EIF2D: variants seen among roughly 807,000 people sequenced by gnomAD.
The protein encoded by EIF2D is hepatocellular carcinoma-associated antigen 56.
In EIF2D, 56 loss-of-function variants were observed where a neutral mutation model predicts 77.4. That is an observed-to-expected ratio of 0.72 (90% CI 0.58 to 0.90). The LOEUF (loss-of-function observed/expected upper bound fraction) is 0.90. Among genes scored for constraint, EIF2D ranks in the 40% least tolerant of loss-of-function variants. EIF2D has a pLI of 0.00. For synonymous variants in EIF2D, 230 were observed against 271.0 expected, an observed-to-expected ratio of 0.85 and a Z score of 1.49; for missense variants, 574 against 706.5, an observed-to-expected ratio of 0.81 and a Z score of 2.13.
chr1:206,593,489 G>T, intron 14 of EIF2D, 130 bp downstream of exon 14: 1 of 311,210 alleles, frequency 3.2e-6, no homozygotes, highest in Non-Finnish European at 5.1e-6. Flanking sequence ...GAGAGAGAGC[G>T]AGAGAGAGAG....
downstream of EIF2D, among the ~76,000 whole-genome samples, chr1:206,589,621 C>A (rs1202177088): frequency 6.6e-6 from 1 of 152,088 alleles, no homozygotes; most frequent in African/African-American, 2.4e-5. Flanking sequence ...AGCCATGATT[C>A]TTCTACTTCT....
chr1:206,573,158 C>T (rs1462383484), intron 4 of EIF2D, among the ~76,000 whole-genome samples: 1 of 152,212 alleles, frequency 6.6e-6, no homozygotes, highest in Non-Finnish European at 1.5e-5. Flanking sequence ...AATGTATAAA[C>T]TGCATTTCAC....
At chr1:206,600,570 G>A in intron 7 of EIF2D, 1 of 421,208 alleles carries the variant, frequency 2.4e-6, no homozygotes. Context: ...AGCCACATGT[G>A]GGTAGTAAGT....
At chr1:206,593,488 C>CAA (rs1558530192) in intron 14 of EIF2D, 131 bp downstream of exon 14, 2 of 307,506 alleles carry the variant, frequency 6.5e-6, no homozygotes, top group African/African-American at 7.3e-5. Flanking sequence ...AGAGAGAGAG[C>CAA]GAGAGAGAGA....
intron 4 of EIF2D, among the ~76,000 whole-genome samples, chr1:206,577,165 C>T (rs1377093012): frequency 6.6e-6 from 1 of 152,054 alleles, no homozygotes; most frequent in Non-Finnish European, 1.5e-5. Context: ...GCTTTTGTGC[C>T]ACAATAGTAG....
chr1:206,579,514 G>A lies in EIF2D; in HGVS notation c.*254+1178C>T, dbSNP rs116313985. ...TCTCATGGCAGATAGTGCCTGTTAG[G>A]TAAACCTTTGGGGTGTTTGTGTGTT... On this transcript the variant is annotated intron_variant and NMD_transcript_variant, in intron 4 of 5. Transcript: ENST00000472709. This position sits in a 1 kb window ranked among gnomAD's most constrained non-coding sequence, Gnocchi z 4.2. 0.012 allele frequency among the ~76,000 whole-genome samples: 1,796 copies of A among 152,296 alleles called. 40 individuals carry two copies. The highest frequency in any genetic ancestry group is 0.041 in the African/African-American group (1,710 of 41,554).
intron 7 of EIF2D, 92 bp downstream of exon 7, chr1:206,602,243 CA>C: frequency 1.1e-6 from 1 of 906,060 alleles, no homozygotes; most frequent in Non-Finnish European, 1.8e-6. Flanking sequence ...GTCCCTCAAC[CA>C]GTCCCTGCAT....
At chr1:206,577,060 C>T (rs978646756) in intron 4 of EIF2D, among the ~76,000 whole-genome samples, 4 of 152,012 alleles carry the variant, frequency 2.6e-5, no homozygotes, top group Admixed American at 2.0e-4. Context: ...ATCATCCTGC[C>T]TTGGCCTCTC....
chr1:206,592,200 A>G lies in EIF2D; in HGVS notation c.1685-355T>C, dbSNP rs771378177. 2.6e-5 allele frequency among the ~76,000 whole-genome samples: 4 copies of G among 152,258 alleles called. No individual in the cohort carries two copies. Among genetic ancestry groups the G allele is most frequent in the Non-Finnish European group, 2.9e-5 (2 of 68,040 alleles). On this transcript the variant is annotated intron_variant, in intron 14 of 14. Coordinates refer to ENST00000271764, the MANE Select transcript of EIF2D (RefSeq NM_006893.3). The surrounding 1 kb of genome is among the most constrained non-coding windows in gnomAD (Gnocchi z 4.7). ...TAACTGTCAGGTACTGCCATAGGCC[A>G]TGGAATACATTTGCCTAAATGAGCA...
intron 2 of EIF2D, chr1:206,586,430 G>A (rs1306051449): frequency 5.4e-6 from 1 of 185,638 alleles, no homozygotes; most frequent in African/African-American, 2.4e-5. Flanking sequence ...TGCTGGGAGA[G>A]GTGGAGTCAG....
intron 4 of EIF2D, among the ~76,000 whole-genome samples, chr1:206,573,183 C>T (rs1479187301): frequency 1.3e-5 from 2 of 152,228 alleles, no homozygotes; most frequent in African/African-American, 2.4e-5. Context: ...AAATCAGTCT[C>T]CGTGTGGTGG....
At chr1:206,583,979 G>A (rs1311784068) in intron 2 of EIF2D, among the ~76,000 whole-genome samples, 2 of 152,178 alleles carry the variant, frequency 1.3e-5, no homozygotes, top group Admixed American at 6.5e-5. Context: ...AGATACAGGA[G>A]GAAATCTAGT....
intron 4 of EIF2D, among the ~76,000 whole-genome samples, chr1:206,607,519 G>A (rs1043465726): frequency 1.3e-5 from 2 of 152,134 alleles, no homozygotes; most frequent in Admixed American, 6.5e-5. Flanking sequence ...AACTCTTTGC[G>A]AGGCCAAGGC....
chr1:206,608,514 TAATA>T (rs1670308770), intron 3 of EIF2D, among the ~76,000 whole-genome samples, 188 bp from the exon 4 acceptor site: 1 of 152,218 alleles, frequency 6.6e-6, no homozygotes, highest in Non-Finnish European at 1.5e-5. Flanking sequence ...ATGTTATTCA[TAATA>T]AAAATGAAAA....
At chr1:206,595,940 TC>T in intron 12 of EIF2D, 102 bp from the exon 13 acceptor site, 1 of 1,498,654 alleles carries the variant, frequency 6.7e-7, no homozygotes, top group Non-Finnish European at 9.1e-7. Context: ...AAATTGCAGG[TC>T]CACAACCTTG....
rs970107141 is a variant in EIF2D at position 206,600,405 on chromosome 1, C to T, written c.903-97G>A. ...GGGCCTTTTTCCTCAGCCTTCCTCC[C>T]CCACCTTCAGAGAGAGGCCACTGTG... On this transcript the variant is annotated intron_variant, in intron 7 of 14. Coordinates refer to ENST00000271764, the MANE Select transcript of EIF2D (RefSeq NM_006893.3). 8 of 1,156,918 alleles carry T rather than the reference C, an allele frequency of 6.9e-6. No homozygotes were observed. In the African/African-American group the frequency reaches 1.2e-4, roughly 18 times the overall value. 71.7% of individuals were successfully genotyped at this position (1,156,918 alleles called of 1,614,324 possible).
At chr1:206,606,082 T>C (rs1169853209) in intron 4 of EIF2D, among the ~76,000 whole-genome samples, 1 of 152,162 alleles carries the variant, frequency 6.6e-6, no homozygotes, top group Admixed American at 6.5e-5. Context: ...CAACCACATA[T>C]ATAGTAACTA....
downstream of EIF2D, among the ~76,000 whole-genome samples, chr1:206,590,435 T>C (rs781971478): frequency 4.6e-5 from 7 of 152,244 alleles, no homozygotes; most frequent in Non-Finnish European, 8.8e-5. Context: ...CACAGTGCTA[T>C]ATTTTACTTG....
At position 206,599,728 on chromosome 1, in the gene EIF2D, C is replaced by G; in HGVS notation, c.1052+5G>C. On this transcript the variant is annotated splice_donor_5th_base_variant and intron_variant, in intron 9 of 14. Transcript: ENST00000271764. This position sits in a 1 kb window ranked among gnomAD's most constrained non-coding sequence, Gnocchi z 4.1. ...GGGCTACAGTGACAGGCCCCCTGCA[C>G]TCACCTCGGGTGTTTCCAGTCCACA... The G allele has an allele frequency of 6.2e-7, 1 of 1,614,170 alleles. No homozygotes were observed. Among genetic ancestry groups the G allele is most frequent in the Non-Finnish European group, 8.5e-7 (1 of 1,180,020 alleles).
Sources: gnomAD v4.1 joint callset for allele counts (sites outside exome capture counted in the v4.1 genomes callset) on GRCh38, gnomAD v4.1.1 for gene constraint, Gnocchi (gnomAD v3.1) non-coding constraint, MANE v1.5 for transcripts, NCBI Gene and HGNC (gene_info 2026-07-23, HGNC 2026-07-21) for gene names.